Variants in ZNF668 observed in about 807,000 individuals in gnomAD.
ZNF668 encodes zinc finger protein 668.
Under a neutral mutation model 40.3 loss-of-function variants are expected in ZNF668, and 10 were observed. The ratio of observed to expected loss-of-function variants is 0.25; its 90% confidence interval spans 0.15 to 0.42. The LOEUF is 0.42. Among genes scored for constraint, ZNF668 ranks in the 10% least tolerant of loss-of-function variants. The pLI is 1.00. For synonymous variants in ZNF668, 428 were observed against 384.6 expected, an observed-to-expected ratio of 1.11 and a Z score of -1.32; for missense variants, 749 against 904.6, an observed-to-expected ratio of 0.83 and a Z score of 2.21.
At chr16:31,069,250 C>A (rs375840312) in intron 1 of ZNF668, 1 of 147,254 alleles carries the variant, frequency 6.8e-6, no homozygotes, top group East Asian at 2.0e-4. Context: ...CATGGTGAAA[C>A]CCCATCTCTA....
chr16:31,060,989 A>G lies in ZNF668; in HGVS notation c.*79T>C. The G allele has an allele frequency of 7.2e-7, 1 of 1,392,474 alleles. No individual in the cohort carries two copies. The highest frequency in any genetic ancestry group is 2.7e-5 in the Admixed American group (1 of 36,540). The allele number at this position is 1,392,474 out of a possible 1,614,324, so 86.3% of individuals were successfully genotyped here. ...GGTAGGGATCTGGAGTCTAAAGAGC[A>G]GAGCCAGGCAAAAGGAGGTACAGGA... On this transcript the variant is annotated 3_prime_UTR_variant, in exon 3 of 3. Transcript: ENST00000300849.
Position 31,064,473 on chromosome 16 carries a change from G to A in ZNF668, c.-14C>T, listed in dbSNP as rs1481909361. ...CTCCACTTCCATGGCCTTGGTGAACGGGGTTTCTCTGCAAGAGAAGCAAAG... is the reference window on the plus strand; with the variant it reads ...CTCCACTTCCATGGCCTTGGTGAACAGGGTTTCTCTGCAAGAGAAGCAAAG... On this transcript the variant is annotated 5_prime_UTR_variant, in exon 2 of 3. Coordinates refer to ENST00000300849, the MANE Select transcript of ZNF668 (RefSeq NM_024706.5). The A allele has an allele frequency of 3.7e-6, 6 of 1,607,012 alleles. No individual in the cohort carries two copies. The highest frequency in any genetic ancestry group is 4.2e-6 in the Non-Finnish European group (5 of 1,179,740).
In ZNF668 at chr16:31,060,887, C is replaced by T. The variant is rs944207542; in HGVS notation, c.*181G>A. The T allele has an allele frequency of 3.1e-6, 2 of 641,632 alleles. No homozygotes were observed. Among genetic ancestry groups the T allele is most frequent in the East Asian group, 3.1e-5 (1 of 31,876 alleles). The allele number at this position is 641,632 out of a possible 1,614,324, so 39.7% of individuals were successfully genotyped here. ...AGCTTTAATGAGTGTTACTCCTAGA[C>T]AGTCACGTCTCAGCTTCTGCCAGCC... On this transcript the variant is annotated 3_prime_UTR_variant, in exon 3 of 3. Transcript: ENST00000300849.
chr16:31,072,992 G>C (rs1471298809), intron 1 of ZNF668: 2 of 152,284 alleles, frequency 1.3e-5, no homozygotes, highest in African/African-American at 4.8e-5. Flanking sequence ...CAGTAAAATG[G>C]GGTCCCTTAA....
At chr16:31,063,293 C>A (rs924788180) in intron 2 of ZNF668, among the ~76,000 whole-genome samples, 2 of 151,962 alleles carry the variant, frequency 1.3e-5, no homozygotes, top group Admixed American at 1.3e-4. Flanking sequence ...TCCCCACGCT[C>A]GGGTAATTTT....
At chr16:31,069,828 G>A (rs1168853196) in intron 1 of ZNF668, among the ~76,000 whole-genome samples, 1 of 116,458 alleles carries the variant, frequency 8.6e-6, no homozygotes, top group Admixed American at 1.2e-4. Context: ...AGGCTGGAGT[G>A]CAGTGGCACA....
Position 31,074,179 on chromosome 16 carries a change from C to T in ZNF668, c.-543G>A, listed in dbSNP as rs1054228555. ...CCAGGGCTGTAGAATCTTTTTCTCC[C>T]TTTCTGCGCCTATTCAATATGCACC... On this transcript the variant is annotated 5_prime_UTR_variant, in exon 1 of 3. Transcript: ENST00000300849. The T allele has an allele frequency of 6.6e-6, 1 of 152,246 alleles. No individual in the cohort carries two copies. Among genetic ancestry groups the T allele is most frequent in the Non-Finnish European group, 1.5e-5 (1 of 68,056 alleles). 9.4% of individuals were successfully genotyped at this position (152,246 alleles called of 1,614,324 possible).
At chr16:31,064,647 C>T in intron 1 of ZNF668, 166 bp from the exon 2 acceptor site, 1 of 1,536,374 alleles carries the variant, frequency 6.5e-7, no homozygotes, top group Non-Finnish European at 8.7e-7. Context: ...CTGATCTGCT[C>T]ATTGAAGAAA....
At chr16:31,062,564 AC>A in intron 2 of ZNF668, 1 of 367,622 alleles carries the variant, frequency 2.7e-6, no homozygotes, top group East Asian at 5.2e-5. Context: ...GGAGATCGAG[AC>A]CATCCCGGCT....
intron 1 of ZNF668, among the ~76,000 whole-genome samples, chr16:31,071,386 C>T (rs1016424516): frequency 3.3e-5 from 5 of 149,974 alleles, no homozygotes; most frequent in Admixed American, 6.6e-5. Flanking sequence ...ACGCTGGTCT[C>T]GAACTCCTGA....
chr16:31,061,374 GCACA>G lies in ZNF668; in HGVS notation c.1550_1553del (p.Val517AlafsTer11). On this transcript the variant is annotated frameshift_variant, in exon 3 of 3. Coordinates refer to ENST00000300849, the MANE Select transcript of ZNF668 (RefSeq NM_024706.5). LOFTEE classifies it high-confidence loss of function. This position sits in a 1 kb window ranked among gnomAD's most constrained non-coding sequence, Gnocchi z 7.7. ...TGGAGAAGGTCTCCTTGCACTCTCG[GCACA>G]CAAACTGGGGGGGCTTCTCGTCAGC... 1 of 1,613,554 alleles carries G rather than the reference GCACA, an allele frequency of 6.2e-7. No homozygotes were observed. The highest frequency in any genetic ancestry group is 1.1e-5 in the South Asian group (1 of 91,038).
At chr16:31,069,010 A>AT (rs2056997639) in intron 1 of ZNF668, 2 of 152,172 alleles carry the variant, frequency 1.3e-5, no homozygotes, top group Non-Finnish European at 2.9e-5. Context: ...AGATATTGAG[A>AT]TTAAGGTCCC....
In ZNF668 at chr16:31,061,027, G is replaced by A; in HGVS notation, c.*41C>T. 1 of 1,442,856 alleles carries A rather than the reference G, an allele frequency of 6.9e-7. No homozygotes were observed. The allele number at this position is 1,442,856 out of a possible 1,614,324, so 89.4% of individuals were successfully genotyped here. ...AGGAGGTACAGGAAGCCCCCGATGG[G>A]GGCTGGGCTCCCGGAGTGTGGTGCT... On this transcript the variant is annotated 3_prime_UTR_variant, in exon 3 of 3. Transcript: ENST00000300849. The surrounding 1 kb of genome is among the most constrained non-coding windows in gnomAD (Gnocchi z 7.7).
intron 1 of ZNF668, among the ~76,000 whole-genome samples, chr16:31,072,073 C>T (rs1437275017): frequency 6.6e-6 from 1 of 152,208 alleles, no homozygotes; most frequent in Non-Finnish European, 1.5e-5. Context: ...AAGAAACAAG[C>T]TTACTAGTCA....
chr16:31,073,512 G>C (rs930536400), intron 1 of ZNF668, 147 bp downstream of exon 1: 1 of 152,138 alleles, frequency 6.6e-6, no homozygotes, highest in East Asian at 1.9e-4. Context: ...TGCGCCCGGG[G>C]CCGCTCACAG....
chr16:31,074,082 G>C lies in ZNF668; in HGVS notation c.-446C>G, dbSNP rs974308486. 2.0e-4 allele frequency: 31 copies of C among 152,234 alleles called. No homozygotes were observed. Among genetic ancestry groups the C allele is most frequent in the African/African-American group, 7.0e-4 (29 of 41,448 alleles). The allele number at this position is 152,234 out of a possible 1,614,324, so 9.4% of individuals were successfully genotyped here. A position where few individuals can be genotyped will look rare whatever the true frequency, so the allele number is the denominator to read the frequency against. On this transcript the variant is annotated 5_prime_UTR_variant, in exon 1 of 3. Transcript: ENST00000300849. ...TTTAATAGCAAGGAGTGGGTTTCAC[G>C]AAGTTTTCTCCATCTGCCTTGGGAA...
intron 1 of ZNF668, among the ~76,000 whole-genome samples, chr16:31,070,629 C>T (rs2057010198): frequency 1.3e-5 from 2 of 152,078 alleles, no homozygotes; most frequent in African/African-American, 4.8e-5. Flanking sequence ...CAACCTCCGC[C>T]TCCCCGGTTC....
chr16:31,071,804 C>A (rs1480258505), intron 1 of ZNF668, among the ~76,000 whole-genome samples: 2 of 152,174 alleles, frequency 1.3e-5, no homozygotes, highest in African/African-American at 4.8e-5. Flanking sequence ...ATACTCCTTG[C>A]AAGCTTACCA....
intron 1 of ZNF668, among the ~76,000 whole-genome samples, chr16:31,072,150 T>C (rs2057019337): frequency 6.6e-6 from 1 of 152,174 alleles, no homozygotes; most frequent in African/African-American, 2.4e-5. Flanking sequence ...TTTGCTAGCA[T>C]TACACATCTT....
Sources: allele counts gnomAD v4.1 joint callset (sites outside exome capture counted in the v4.1 genomes callset), GRCh38; gene constraint gnomAD v4.1.1; non-coding constraint Gnocchi (gnomAD v3.1); transcripts MANE v1.5; gene names NCBI Gene and HGNC (gene_info 2026-07-23, HGNC 2026-07-21).